Variants in NFIA observed in about 807,000 individuals in gnomAD.
NFIA encodes nuclear factor 1 A-type.
In NFIA, 8 loss-of-function variants were observed where a neutral mutation model predicts 62.8. The ratio of observed to expected loss-of-function variants is 0.13; its 90% CI spans 0.07 to 0.23. The LOEUF (loss-of-function observed/expected upper bound fraction) is 0.23, where lower values mean the gene tolerates loss of function less well. NFIA is among the 10% of genes least tolerant of loss of function. The pLI is 1.00. For synonymous variants in NFIA, 235 were observed against 238.1 expected (o/e 0.99, Z 0.12); for missense variants, 410 against 642.1 (o/e 0.64, Z 3.91).
At chr1:61,226,825 AGTT>A (rs887189300) in intron 2 of NFIA, among the ~76,000 whole-genome samples, 1 of 152,212 alleles carries the variant, frequency 6.6e-6, no homozygotes, top group East Asian at 1.9e-4. Context: ...GCAGGTTGCC[AGTT>A]GTTTGCCAAT....
intron 3 of NFIA, among the ~76,000 whole-genome samples, chr1:61,306,634 C>G (rs1189707472): frequency 6.6e-6 from 1 of 152,026 alleles, no homozygotes; most frequent in African/African-American, 2.4e-5. Context: ...TCTTGTTCAC[C>G]CACTTCTTCT....
intron 9 of NFIA, among the ~76,000 whole-genome samples, chr1:61,420,605 C>T (rs1268712883): frequency 6.6e-6 from 1 of 152,094 alleles, no homozygotes; most frequent in East Asian, 1.9e-4. Context: ...TGTCTAATAA[C>T]TGGCAAATTT....
Position 61,088,002 on chromosome 1 carries a change from G to A in NFIA, c.28-147G>A. 2 of 726,534 alleles carry A rather than the reference G, an allele frequency of 2.8e-6. No homozygotes were observed. Among genetic ancestry groups the A allele is most frequent in the South Asian group, 2.1e-5 (1 of 48,276 alleles). The allele number at this position is 726,534 out of a possible 1,614,324, so 45.0% of individuals were successfully genotyped here. ...TCCCACCTTCCCAGACTTCCCATAG[G>A]ATCCTGTGTATGATTTTGGTAACAG... On this transcript the variant is annotated intron_variant, in intron 1 of 10. Transcript: ENST00000403491. This position sits in a 1 kb window ranked among gnomAD's most constrained non-coding sequence, Gnocchi z 4.5.
chr1:61,083,085 C>T (rs915391979), intron 1 of NFIA, among the ~76,000 whole-genome samples: 10 of 152,164 alleles, frequency 6.6e-5, no homozygotes, highest in South Asian at 4.1e-4. Flanking sequence ...CTAATGGCGC[C>T]CTCTTATTAA....
intron 2 of NFIA, among the ~76,000 whole-genome samples, chr1:61,136,269 T>C (rs1647188904): frequency 6.6e-6 from 1 of 152,218 alleles, no homozygotes; most frequent in Admixed American, 6.5e-5. Flanking sequence ...TCCTGACAAC[T>C]GAAGACTGTC....
At chr1:61,186,266 A>G (rs1651172592) in intron 2 of NFIA, among the ~76,000 whole-genome samples, 1 of 152,134 alleles carries the variant, frequency 6.6e-6, no homozygotes, top group South Asian at 2.1e-4. Context: ...GAACTGCCGC[A>G]GGTGGTTCAG....
intron 4 of NFIA, among the ~76,000 whole-genome samples, chr1:61,349,708 G>A (rs1662443965): frequency 6.6e-6 from 1 of 151,966 alleles, no homozygotes; most frequent in Admixed American, 6.6e-5. Context: ...CTAAGTAGCT[G>A]GGACTACAGG....
intron 2 of NFIA, among the ~76,000 whole-genome samples, chr1:61,112,231 A>G (rs898417709): frequency 6.6e-6 from 1 of 151,922 alleles, no homozygotes; most frequent in Non-Finnish European, 1.5e-5. Flanking sequence ...AATTTTCTTA[A>G]TAATATATTT....
upstream of NFIA, chr1:61,082,435 G>A: frequency 2.9e-6 from 3 of 1,027,022 alleles, no homozygotes; most frequent in Non-Finnish European, 3.5e-6. Context: ...AGCGGAGGCG[G>A]AGGCGGGCGC....
intron 2 of NFIA, among the ~76,000 whole-genome samples, chr1:61,179,448 A>G (rs901755673): frequency 6.6e-6 from 1 of 152,244 alleles, no homozygotes; most frequent in African/African-American, 2.4e-5. Context: ...TCAGCTATAA[A>G]GTGGACATAG....
chr1:61,271,167 C>T (rs1411699922), intron 2 of NFIA, among the ~76,000 whole-genome samples: 1 of 152,180 alleles, frequency 6.6e-6, no homozygotes, highest in Non-Finnish European at 1.5e-5. Flanking sequence ...TGATCCTCCC[C>T]TCACTGTCAT....
chr1:61,081,847 T>TCGGTGG, upstream of NFIA: 1 of 1,518,894 alleles, frequency 6.6e-7, no homozygotes, highest in Admixed American at 2.0e-5. Flanking sequence ...CACAGAAAGC[T>TCGGTGG]TCGCTGGAGA....
At chr1:61,412,994 TAGAA>T (rs577187152) in intron 9 of NFIA, among the ~76,000 whole-genome samples, 57 of 152,150 alleles carry the variant, frequency 3.7e-4, no homozygotes, top group Admixed American at 1.4e-3. Flanking sequence ...AGAGATATAA[TAGAA>T]AGAGAAAAAA....
chr1:61,430,715 G>T (rs1009249520), intron 10 of NFIA, among the ~76,000 whole-genome samples: 3 of 152,020 alleles, frequency 2.0e-5, no homozygotes, highest in African/African-American at 7.2e-5. Context: ...CTTTAGCCTT[G>T]CCTTGAGCTA....
intron 7 of NFIA, among the ~76,000 whole-genome samples, chr1:61,392,814 G>C (rs901914134): frequency 1.3e-5 from 2 of 152,240 alleles, no homozygotes; most frequent in African/African-American, 4.8e-5. Context: ...GTGCTGAAGA[G>C]AATAGGGTGA....
intron 2 of NFIA, among the ~76,000 whole-genome samples, chr1:61,189,419 C>T (rs1651451574): frequency 6.6e-6 from 1 of 152,160 alleles, no homozygotes; most frequent in Non-Finnish European, 1.5e-5. Context: ...GTAATCCCAG[C>T]ACTTTGGGAG....
intron 2 of NFIA, among the ~76,000 whole-genome samples, chr1:61,146,705 T>A (rs1188323762): frequency 6.6e-6 from 1 of 152,216 alleles, no homozygotes; most frequent in Non-Finnish European, 1.5e-5. Context: ...ATTTACTTGT[T>A]GCCCACTGTC....
chr1:61,412,670 T>C (rs749977693), intron 9 of NFIA, among the ~76,000 whole-genome samples: 1 of 152,228 alleles, frequency 6.6e-6, no homozygotes, highest in Non-Finnish European at 1.5e-5. Flanking sequence ...GCTGGACTTA[T>C]CATAATAAGC....
At chr1:61,448,075 A>G (rs1239267664) in intron 10 of NFIA, among the ~76,000 whole-genome samples, 1 of 151,898 alleles carries the variant, frequency 6.6e-6, no homozygotes, top group African/African-American at 2.4e-5. Context: ...GAAGTCTCTG[A>G]TCTATGTAGT....
Sources: gnomAD v4.1 joint callset for allele counts (sites outside exome capture counted in the v4.1 genomes callset) on GRCh38, gnomAD v4.1.1 for gene constraint, Gnocchi (gnomAD v3.1) non-coding constraint, MANE v1.5 for transcripts, NCBI Gene and HGNC (gene_info 2026-07-23, HGNC 2026-07-21) for gene names.